Variants in NUP160 observed in about 807,000 individuals in gnomAD.
NUP160 encodes the protein nucleoporin 160.
In NUP160, 94 loss-of-function variants were observed where a neutral mutation model predicts 196.9. The ratio of observed to expected loss-of-function variants is 0.48; its 90% CI spans 0.40 to 0.57. NUP160 has a LOEUF of 0.57. Among genes scored for constraint, NUP160 ranks in the 20% least tolerant of loss-of-function variants. NUP160 has a pLI of 0.00. For synonymous variants in NUP160, 605 were observed against 619.7 expected (o/e 0.98, Z 0.35); for missense variants, 1,638 against 1,748.3 (o/e 0.94, Z 1.13).
intron 9 of NUP160, 44 bp downstream of exon 9, chr11:47,821,680 A>G: frequency 7.0e-7 from 1 of 1,434,362 alleles, no homozygotes; most frequent in Non-Finnish European, 9.8e-7. Flanking sequence ...TTAGCATGAA[A>G]TTGCTTGGGG....
rs144888336 is a variant in NUP160 at position 47,826,780 on chromosome 11, C to T, written c.1102-4616G>A. Among the ~76,000 whole-genome samples, 1,397 of 152,228 alleles carry T rather than the reference C, an allele frequency of 9.2e-3. 27 individuals carry two copies. The highest frequency in any genetic ancestry group is 0.032 in the African/African-American group (1,337 of 41,538). ...GTTTCACCATGTTGGCCAGGCTGGT[C>T]TCGAACTCCTGACCTCAGGTGATCT... On this transcript the variant is annotated intron_variant, in intron 7 of 35. Coordinates refer to ENST00000378460, the Ensembl canonical transcript of NUP160.
At position 47,837,633 on chromosome 11, in the gene NUP160, T is replaced by A. The variant is rs750927321; in HGVS notation, c.749-10A>T. ...ACGACTGACACCATACCTGCAATGATATCCAAGGCACCTCTTGAACACACT... is the reference window on the plus strand; with the variant it reads ...ACGACTGACACCATACCTGCAATGAAATCCAAGGCACCTCTTGAACACACT... On this transcript the variant is annotated splice_polypyrimidine_tract_variant and intron_variant, in intron 4 of 35. Coordinates refer to ENST00000378460, the Ensembl canonical transcript of NUP160. The A allele has an allele frequency of 6.2e-7, 1 of 1,610,142 alleles. No individual in the cohort carries two copies. Among genetic ancestry groups the A allele is most frequent in the Non-Finnish European group, 8.5e-7 (1 of 1,176,480 alleles).
chr11:47,825,533 A>G (rs1851950434), intron 7 of NUP160, among the ~76,000 whole-genome samples: 2 of 149,142 alleles, frequency 1.3e-5, no homozygotes, highest in East Asian at 3.9e-4. Flanking sequence ...GCTCACTGCA[A>G]CCTCTGCCTC....
exon 2 of NUP160, chr11:47,847,926 T>G: frequency 6.2e-7 from 1 of 1,614,152 alleles, no homozygotes; most frequent in Non-Finnish European, 8.5e-7. Context: ...GCTTTCACTG[T>G]ATTTTACGGC....
At chr11:47,812,263 T>C (rs1350190515) in intron 16 of NUP160, 39 bp from the exon 17 acceptor site, 2 of 1,613,570 alleles carry the variant, frequency 1.2e-6, no homozygotes, top group Non-Finnish European at 1.7e-6. Context: ...TGCATCATTG[T>C]TTTAATCAAA....
intron 13 of NUP160, among the ~76,000 whole-genome samples, chr11:47,814,254 A>C (rs1442662855): frequency 6.6e-6 from 1 of 152,118 alleles, no homozygotes; most frequent in Admixed American, 6.6e-5. Flanking sequence ...TAAGCTAAAG[A>C]GACACAATAA....
At chr11:47,848,445 G>C (rs1368353980) in exon 1 of NUP160, 1 of 1,497,070 alleles carries the variant, frequency 6.7e-7, no homozygotes. Flanking sequence ...GGCGGCTCCG[G>C]CCCTTCGTTG....
exon 1 of NUP160, chr11:47,848,436 G>T (rs1250914270): frequency 6.6e-7 from 1 of 1,525,642 alleles, no homozygotes; most frequent in Non-Finnish European, 8.8e-7. Flanking sequence ...GAGCAGAAAG[G>T]CGGCTCCGGC....
intron 29 of NUP160, among the ~76,000 whole-genome samples, chr11:47,789,579 C>T (rs1031369063): frequency 6.6e-6 from 1 of 152,034 alleles, no homozygotes; most frequent in Admixed American, 6.6e-5. Flanking sequence ...ACAACATTTT[C>T]GAAGTGCTAC....
intron 10 of NUP160, among the ~76,000 whole-genome samples, chr11:47,818,454 C>T (rs1411733199): frequency 2.0e-5 from 3 of 152,056 alleles, no homozygotes; most frequent in African/African-American, 4.8e-5. Context: ...AACAAGTAAA[C>T]GAAGCTGGTT....
intron 27 of NUP160, among the ~76,000 whole-genome samples, chr11:47,795,467 A>G (rs924536472): frequency 6.6e-6 from 1 of 152,208 alleles, no homozygotes; most frequent in Non-Finnish European, 1.5e-5. Flanking sequence ...ATGTTTTACT[A>G]TTAGGAATGT....
chr11:47,806,457 A>G, intron 19 of NUP160, 145 bp from the exon 20 acceptor site: 1 of 592,742 alleles, frequency 1.7e-6, no homozygotes, highest in Non-Finnish European at 2.9e-6. Flanking sequence ...ATCCAGTGGC[A>G]ATATAAATAA....
In NUP160 at chr11:47,841,268, A is replaced by G. The variant is rs1266646806; in HGVS notation, c.315-680T>C. 3 of 263,960 alleles carry G rather than the reference A, an allele frequency of 1.1e-5. No individual in the cohort carries two copies. The Admixed American group carries it at 1.2e-4, about 10-fold the overall frequency. 16.4% of individuals were successfully genotyped at this position (263,960 alleles called of 1,614,324 possible). A position where few individuals can be genotyped will look rare whatever the true frequency, so the allele number is the denominator to read the frequency against. On this transcript the variant is annotated intron_variant, in intron 2 of 35. Transcript: ENST00000378460. ...AATCCCAGCTGAGGAGCAAGGAGCC[A>G]CTGGCAGCCACAGATCTCACTGCTG...
At chr11:47,783,817 C>T (rs2097662909) in intron 33 of NUP160, among the ~76,000 whole-genome samples, 1 of 151,944 alleles carries the variant, frequency 6.6e-6, no homozygotes, top group Non-Finnish European at 1.5e-5. Flanking sequence ...CCTCTGCCTC[C>T]AGAGTAGCTG....
intron 33 of NUP160, 105 bp from the exon 34 acceptor site, chr11:47,783,303 A>G: frequency 7.1e-7 from 1 of 1,403,136 alleles, no homozygotes. Flanking sequence ...ATTTCTCAAT[A>G]TAATTAAACC....
At position 47,788,499 on chromosome 11, in the gene NUP160, A is replaced by C. The variant is rs1599306356; in HGVS notation, c.3622+2T>G. On this transcript the variant is annotated splice_donor_variant, in intron 30 of 35. Coordinates refer to ENST00000378460, the Ensembl canonical transcript of NUP160. LOFTEE classifies it high-confidence loss of function. ...AGAGGCTTTAAACTCTTGAATTCCT[A>C]CCAGCAACTGCAACCGCTGATGGAT... is the stretch of plus-strand genomic sequence containing the variant. 1 of 1,611,196 alleles carries C rather than the reference A, an allele frequency of 6.2e-7. No homozygotes were observed. Among genetic ancestry groups the C allele is most frequent in the Non-Finnish European group, 8.5e-7 (1 of 1,177,470 alleles).
chr11:47,805,136 T>C (rs1000608034), intron 20 of NUP160, among the ~76,000 whole-genome samples: 1 of 144,164 alleles, frequency 6.9e-6, no homozygotes, highest in African/African-American at 2.6e-5. Context: ...AATGAATGTC[T>C]TTTTTTTTTT....
intron 17 of NUP160, among the ~76,000 whole-genome samples, chr11:47,810,569 C>A (rs2097680516): frequency 6.8e-6 from 1 of 147,064 alleles, no homozygotes; most frequent in African/African-American, 2.5e-5. Context: ...TTTTTGGAGA[C>A]AGAATCTCGC....
At chr11:47,818,268 T>G in intron 10 of NUP160, 144 bp from the exon 11 acceptor site, 1 of 587,410 alleles carries the variant, frequency 1.7e-6, no homozygotes. Context: ...TGCGGTTACA[T>G]GTTTTCACAC....
Sources: gnomAD v4.1 joint callset for allele counts (sites outside exome capture counted in the v4.1 genomes callset) on GRCh38, gnomAD v4.1.1 for gene constraint, MANE v1.5 for transcripts, NCBI Gene and HGNC (gene_info 2026-07-23, HGNC 2026-07-21) for gene names.